IFT22: variants seen among roughly 807,000 people sequenced by gnomAD.
IFT22 encodes intraflagellar transport protein 22 homolog.
Under a neutral mutation model 21.0 loss-of-function variants are expected in IFT22, and 13 were observed. The observed-to-expected ratio is 0.62, with a 90% CI of 0.40 to 0.98. The LOEUF is 0.98. Among genes scored for constraint, IFT22 ranks in the 50% least tolerant of loss-of-function variants. IFT22 has a pLI of 0.00. For missense variants in IFT22, 227 were observed against 228.9 expected (o/e 0.99, Z 0.06); for synonymous variants, 67 against 82.4 (o/e 0.81, Z 1.01).
intron 1 of IFT22, among the ~76,000 whole-genome samples, chr7:101,320,419 C>T (rs550395593): frequency 2.0e-5 from 3 of 151,942 alleles, no homozygotes; most frequent in Non-Finnish European, 2.9e-5. Context: ...GCCACCACGC[C>T]CGGCTAATTT....
intron 3 of IFT22, among the ~76,000 whole-genome samples, chr7:101,317,827 G>A (rs1274061635): frequency 4.6e-5 from 7 of 152,046 alleles, no homozygotes; most frequent in African/African-American, 1.7e-4. Context: ...AGCAACCTCC[G>A]CTTGAACCTC....
At position 101,321,720 on chromosome 7, in the gene IFT22, C is replaced by T; in HGVS notation, c.-11G>A. ...CTTGGCTTTCAGCATAGTTGTCCGC[C>T]GCGGCTTAGCCGGCCGGAGCCCACG... On this transcript the variant is annotated 5_prime_UTR_variant, in exon 1 of 5. Transcript: ENST00000315322. 2.5e-6 allele frequency: 4 copies of T among 1,594,158 alleles called. No individual in the cohort carries two copies. Among genetic ancestry groups the T allele is most frequent in the Non-Finnish European group, 3.4e-6 (4 of 1,170,084 alleles).
intron 1 of IFT22, among the ~76,000 whole-genome samples, chr7:101,320,874 C>A (rs1319987013): frequency 6.6e-6 from 1 of 152,020 alleles, no homozygotes; most frequent in African/African-American, 2.4e-5. Flanking sequence ...AGGCCAGGCG[C>A]GGTGGCTCAT....
chr7:101,318,516 T>C, intron 2 of IFT22: 1 of 265,120 alleles, frequency 3.8e-6, no homozygotes, highest in Non-Finnish European at 7.2e-6. Context: ...CGAGACTCCA[T>C]CCCAAAAAAA....
chr7:101,316,029 C>T (rs1338869827), intron 4 of IFT22: 4 of 190,404 alleles, frequency 2.1e-5, no homozygotes, highest in Non-Finnish European at 4.2e-5. Context: ...GATGGTGTCT[C>T]GCCCTGTCAC....
chr7:101,311,145 C>T lies in IFT22; in HGVS notation c.*3989G>A, dbSNP rs1035407439. ...AGTAGCTGGGACTACAGGTGCCCGC[C>T]ACCACACCCGGCTTATTTTTTGTAT... On this transcript the variant is annotated 3_prime_UTR_variant, in exon 5 of 5. Coordinates refer to ENST00000315322, the MANE Select transcript of IFT22 (RefSeq NM_022777.4). Among the ~76,000 whole-genome samples the T allele has an allele frequency of 1.3e-5, 2 of 151,928 alleles. No individual in the cohort carries two copies. The highest frequency in any genetic ancestry group is 2.9e-5 in the Non-Finnish European group (2 of 67,992).
chr7:101,320,192 G>T (rs970434202), intron 1 of IFT22, among the ~76,000 whole-genome samples: 2 of 151,236 alleles, frequency 1.3e-5, no homozygotes, highest in African/African-American at 4.9e-5. Context: ...CCTGACCTCA[G>T]GTGATCCACC....
intron 1 of IFT22, among the ~76,000 whole-genome samples, chr7:101,320,451 G>T (rs567466762): frequency 6.6e-5 from 10 of 151,172 alleles, no homozygotes; most frequent in Non-Finnish European, 1.2e-4. Flanking sequence ...AGTAGAGACG[G>T]GGTTTCACCG....
intron 4 of IFT22, chr7:101,316,058 G>A: frequency 2.9e-6 from 1 of 340,970 alleles, no homozygotes; most frequent in Non-Finnish European, 5.4e-6. Context: ...GAGTGTAGTG[G>A]TGAGATCTCA....
rs1789994619 is a variant in IFT22, at chr7:101,312,150, T to C, written c.*2984A>G. 6.6e-6 allele frequency among the ~76,000 whole-genome samples: 1 copy of C among 152,072 alleles called. No homozygotes were observed. The highest frequency in any genetic ancestry group is 1.5e-5 in the Non-Finnish European group (1 of 68,012). ...TGGGCACAATGACTCATGCCTGTAA[T>C]CCCACCACTTTGGGAGGCTGAGACG... is the stretch of plus-strand genomic sequence containing the variant. On this transcript the variant is annotated 3_prime_UTR_variant, in exon 5 of 5. Transcript: ENST00000315322.
chr7:101,315,399 T>C, intron 4 of IFT22, 117 bp from the exon 5 acceptor site: 2 of 1,104,104 alleles, frequency 1.8e-6, no homozygotes, highest in Non-Finnish European at 1.3e-6. Context: ...TCAAGTTGTC[T>C]TCTTGACACC....
At position 101,318,156 on chromosome 7, in the gene IFT22, T is replaced by A; in HGVS notation, c.174A>T (p.Glu58Asp). ...VTSNNKGTGC[E>D]FELWDCGGDA... ...CGCCACCACAGTCCCATAGCTCGAA[T>A]TCACAGCCCGTGCCTTTGTTGTTGC... The change falls in exon 3 of 5, where the codon GAA becomes GAT. Residue 58 changes from glutamate (E) to aspartate (D), a missense_variant. Glu to Asp is a conservative substitution (Grantham distance 45). Transcript: ENST00000315322. The A allele has an allele frequency of 6.2e-7, 1 of 1,613,536 alleles. No homozygotes were observed. Among genetic ancestry groups the A allele is most frequent in the Admixed American group, 1.7e-5 (1 of 59,978 alleles).
At position 101,316,549 on chromosome 7, in the gene IFT22, G is replaced by C. The variant is rs1296276397; in HGVS notation, c.207-7C>G. 1 of 1,613,390 alleles carries C rather than the reference G, an allele frequency of 6.2e-7. No homozygotes were observed. The highest frequency in any genetic ancestry group is 8.5e-7 in the Non-Finnish European group (1 of 1,179,542). On this transcript the variant is annotated splice_polypyrimidine_tract_variant and splice_region_variant and intron_variant, in intron 3 of 4. Transcript: ENST00000315322. ...CGGCCAGCAGGACTCAAACCTGCGA[G>C]GAAGAAAAGGAACAACAGGGAAAGT...
chr7:101,319,136 G>T, intron 1 of IFT22, 104 bp from the exon 2 acceptor site: 2 of 1,050,582 alleles, frequency 1.9e-6, no homozygotes, highest in Non-Finnish European at 2.9e-6. Flanking sequence ...TGCAGTATAG[G>T]TCATGGGCAC....
intron 3 of IFT22, 105 bp from the exon 4 acceptor site, chr7:101,316,647 G>A: frequency 8.8e-7 from 1 of 1,140,076 alleles, no homozygotes; most frequent in Non-Finnish European, 1.3e-6. Context: ...TATGACGGCT[G>A]GGCGTGGTGG....
At position 101,321,742 on chromosome 7, in the gene IFT22, C is replaced by T. The variant is rs1267214081; in HGVS notation, c.-33G>A. On this transcript the variant is annotated 5_prime_UTR_variant, in exon 1 of 5. Coordinates refer to ENST00000315322, the MANE Select transcript of IFT22 (RefSeq NM_022777.4). ...CGCCGCGGCTTAGCCGGCCGGAGCC[C>T]ACGGGAGGCGGCGCGTCAGGACGGA... 1 of 1,576,292 alleles carries T rather than the reference C, an allele frequency of 6.3e-7. No homozygotes were observed. The highest frequency in any genetic ancestry group is 8.6e-7 in the Non-Finnish European group (1 of 1,160,814).
rs752104275 is a variant in IFT22, at chr7:101,316,585, TG to T, written c.207-44del. On this transcript the variant is annotated intron_variant, in intron 3 of 4. Transcript: ENST00000315322. ...AACAACAGGGAAAGTTAGGTCATTC[TG>T]GTTTCTAACTGTGGACTTTAAAAAG... is the stretch of plus-strand genomic sequence containing the variant. 2.5e-6 allele frequency: 4 copies of T among 1,591,906 alleles called. No individual in the cohort carries two copies. The Admixed American group carries it at 6.7e-5, about 27-fold the overall frequency.
At chr7:101,317,824 T>TC (rs946132820) in intron 3 of IFT22, among the ~76,000 whole-genome samples, 2 of 152,064 alleles carry the variant, frequency 1.3e-5, no homozygotes, top group African/African-American at 4.8e-5. Flanking sequence ...TCAAGCAACC[T>TC]CCGCTTGAAC....
Position 101,312,577 on chromosome 7 carries a change from C to T in IFT22, c.*2557G>A, listed in dbSNP as rs1790010075. ...TTGTGACGGAGTCTCGCTATGTTGC[C>T]GAGGCTGGAGAGCAGTGGCGCGATC... On this transcript the variant is annotated 3_prime_UTR_variant, in exon 5 of 5. Transcript: ENST00000315322. Among the ~76,000 whole-genome samples the T allele has an allele frequency of 1.5e-5, 2 of 130,828 alleles. No homozygotes were observed. The highest frequency in any genetic ancestry group is 3.0e-5 in the African/African-American group (1 of 33,646). The allele number at this position is 130,828 out of a possible 152,430, so 85.8% of individuals were successfully genotyped here.
Sources: allele counts gnomAD v4.1 joint callset (sites outside exome capture counted in the v4.1 genomes callset), GRCh38; gene constraint gnomAD v4.1.1; transcripts MANE v1.5; gene names NCBI Gene and HGNC (gene_info 2026-07-23, HGNC 2026-07-21).